TET2: variants seen among roughly 807,000 people sequenced by gnomAD.
TET2 encodes tet methylcytosine dioxygenase 2, also known as methylcytosine dioxygenase TET2.
A neutral mutation model predicts 142.9 loss-of-function variants in TET2; 299 were observed. The ratio of observed to expected loss-of-function variants is 2.09; its 90% CI spans 1.90 to 2.30. The LOEUF is 2.30. TET2 is among the 30% of genes most tolerant of loss of function. The pLI is 0.00. For missense variants in TET2, 2,418 were observed against 2,378.0 expected, an observed-to-expected ratio of 1.02 and a Z score of -0.35; for synonymous variants, 819 against 849.0, an observed-to-expected ratio of 0.96 and a Z score of 0.61.
In TET2 at chr4:105,276,157, A is replaced by G. The variant is rs1164403378; in HGVS notation, c.5647A>G (p.Thr1883Ala). The G allele has an allele frequency of 1.3e-6, 2 of 1,551,606 alleles. No individual in the cohort carries two copies. The highest frequency in any genetic ancestry group is 1.7e-6 in the Non-Finnish European group (2 of 1,146,974). ...IECAKRELHA[T>A]TPLKNPNRNH... ...GTGTGCAAAGCGTGAGCTGCATGCC[A>G]CAACCCCTTTAAAGAATCCCAATAG... is the stretch of plus-strand genomic sequence containing the variant. Residue 1883 changes from threonine (T) to alanine (A), a missense_variant, in exon 11 of 11, where the codon ACA becomes GCA. Coordinates refer to ENST00000380013, the MANE Select transcript of TET2 (RefSeq NM_001127208.3).
At chr4:105,242,378 G>C in intron 4 of TET2, 5 of 1,080,810 alleles carry the variant, frequency 4.6e-6, no homozygotes, top group Non-Finnish European at 5.7e-6. Context: ...CATGTGGCTG[G>C]ATACTAACTA....
At chr4:105,147,617 A>T (rs1251963551) in intron 1 of TET2, 1 of 151,938 alleles carries the variant, frequency 6.6e-6, no homozygotes, top group Non-Finnish European at 1.5e-5. Context: ...AGCGGCGCTG[A>T]GTGAAAGAGG....
At chr4:105,162,121 T>G (rs1723889080) in intron 1 of TET2, among the ~76,000 whole-genome samples, 1 of 152,182 alleles carries the variant, frequency 6.6e-6, no homozygotes, top group Non-Finnish European at 1.5e-5. Flanking sequence ...TTTTATATGG[T>G]TCCTGTAGAA....
In TET2 at chr4:105,276,220, C is replaced by G; in HGVS notation, c.5710C>G (p.His1904Asp). Residue 1904 changes from histidine to aspartate, a missense_variant, in exon 11 of 11, where the codon CAT (histidine) becomes GAT (aspartate). Physicochemically the swap from His to Asp is moderately conservative, Grantham distance 81 (BLOSUM62 -1). Coordinates refer to ENST00000380013, the MANE Select transcript of TET2 (RefSeq NM_001127208.3). ...CAGGATCTCCCTCGTCTTTTACCAG[C>G]ATAAGAGCATGAATGAGCCAAAACA... The part of the protein sequence containing the change: ...PTRISLVFYQ[H>D]KSMNEPKHGL... 6.4e-7 allele frequency: 1 copy of G among 1,551,624 alleles called. No homozygotes were observed. The highest frequency in any genetic ancestry group is 8.7e-7 in the Non-Finnish European group (1 of 1,146,982).
chr4:105,236,172 CA>C lies in TET2; in HGVS notation c.2231del (p.Gln744ArgfsTer7). Reference protein sequence around the residue: ...QSSHLPQNQQQQQKLQIKNKE... With the variant: ...QSSHLPQNQQXQQKLQIKNKE... ...TTCACATCTCCCTCAAAACCAGCAA[CA>C]GCAGCAAAAATTACAAATAAAGAAT... On this transcript the variant is annotated frameshift_variant, in exon 3 of 11. Coordinates refer to ENST00000380013, the MANE Select transcript of TET2 (RefSeq NM_001127208.3). LOFTEE classifies it high-confidence loss of function. 1 of 1,614,106 alleles carries C rather than the reference CA, an allele frequency of 6.2e-7. No homozygotes were observed.
rs866214403 is a variant in TET2, at chr4:105,275,125, C to G, written c.4615C>G (p.Gln1539Glu). 1.3e-6 allele frequency: 2 copies of G among 1,550,994 alleles called. No homozygotes were observed. Among genetic ancestry groups the G allele is most frequent in the East Asian group, 2.4e-5 (1 of 40,908 alleles). ...TCTACAGAAGCAGCCACCACAGCCCCAGCAGCAGCAGAGACCCCAGCAGCA... is the reference window on the plus strand; with the variant it reads ...TCTACAGAAGCAGCCACCACAGCCCGAGCAGCAGCAGAGACCCCAGCAGCA... ...QPLQKQPPQP[Q>E]QQQRPQQQQP... The change falls in exon 11 of 11, where the codon CAG (glutamine) becomes GAG (glutamate). Residue 1539 changes from glutamine to glutamate, a missense_variant. By Grantham distance (29) the Gln-to-Glu change is conservative (BLOSUM62 2). Transcript: ENST00000380013.
At chr4:105,201,537 A>G (rs1216608970) in intron 2 of TET2, among the ~76,000 whole-genome samples, 1 of 152,128 alleles carries the variant, frequency 6.6e-6, no homozygotes, top group Admixed American at 6.6e-5. Flanking sequence ...ACAGTTCCAC[A>G]AGTGGAAGTA....
intron 4 of TET2, chr4:105,241,882 A>G (rs2110250465): frequency 1.6e-6 from 2 of 1,247,260 alleles, no homozygotes; most frequent in East Asian, 6.3e-5. Flanking sequence ...TTTACCATAA[A>G]AAGAGAGCAA....
At position 105,234,504 on chromosome 4, in the gene TET2, A is replaced by G. The variant is rs2110221709; in HGVS notation, c.562A>G (p.Lys188Glu). The change falls in exon 3 of 11, where the codon AAA becomes GAA. Residue 188 changes from lysine to glutamate, a missense_variant. Coordinates refer to ENST00000380013, the MANE Select transcript of TET2 (RefSeq NM_001127208.3). ...ELQILNEQEG[K>E]SANYHDKNIV... ...TCAGATTCTGAATGAGCAGGAGGGG[A>G]AAAGTGCTAATTACCATGACAAGAA... 1.9e-6 allele frequency: 3 copies of G among 1,614,102 alleles called. No individual in the cohort carries two copies. Among genetic ancestry groups the G allele is most frequent in the Non-Finnish European group, 2.5e-6 (3 of 1,179,998 alleles).
At chr4:105,221,876 C>T (rs865985848) in intron 2 of TET2, among the ~76,000 whole-genome samples, 2 of 150,768 alleles carry the variant, frequency 1.3e-5, no homozygotes, top group African/African-American at 4.9e-5. Context: ...CCCCCCACCC[C>T]ACAACAGTCC....
chr4:105,244,584 A>ATTT lies in TET2; in HGVS notation c.3803+807_3803+808insTTT, dbSNP rs1237638072. Among the ~76,000 whole-genome samples, 10 of 116,746 alleles carry ATTT rather than the reference A, an allele frequency of 8.6e-5. 1 individual carries two copies. Among genetic ancestry groups the ATTT allele is most frequent in the African/African-American group, 2.5e-4 (7 of 28,430 alleles). 76.6% of individuals were successfully genotyped at this position (116,746 alleles called of 152,430 possible). ...TGAATGTTCACGGTGCTACACAGAAATGTTTTTTTTTTTTTTTTTTTTTTT... is the reference window on the plus strand; with the variant it reads ...TGAATGTTCACGGTGCTACACAGAAATTTTGTTTTTTTTTTTTTTTTTTTTTTT... On this transcript the variant is annotated intron_variant, in intron 6 of 10. Transcript: ENST00000380013.
At chr4:105,219,323 T>C (rs538084755) in intron 2 of TET2, among the ~76,000 whole-genome samples, 1 of 152,236 alleles carries the variant, frequency 6.6e-6, no homozygotes, top group Non-Finnish European at 1.5e-5. Flanking sequence ...TGGTAACCAG[T>C]TGATTAAGAC....
rs1444194342 is a variant in TET2 at position 105,190,528 on chromosome 4, C to A, written c.-47+23C>A. Reference sequence around the variant, plus strand: ...CTGGTAAGACAGTGGAGACAGTTGACACTTGTTTGTCAAGTATGAATTTAT... The same window carrying A: ...CTGGTAAGACAGTGGAGACAGTTGAAACTTGTTTGTCAAGTATGAATTTAT... On this transcript the variant is annotated intron_variant, in intron 2 of 10. Coordinates refer to ENST00000380013, the MANE Select transcript of TET2 (RefSeq NM_001127208.3). 5.7e-6 allele frequency: 4 copies of A among 696,838 alleles called. No homozygotes were observed. In the East Asian group the frequency reaches 1.1e-4, roughly 19 times the overall value. The allele number at this position is 696,838 out of a possible 1,614,324, so 43.2% of individuals were successfully genotyped here.
chr4:105,204,254 CACACACACACACACATACAT>C (rs1726674926), intron 2 of TET2, among the ~76,000 whole-genome samples: 1 of 145,874 alleles, frequency 6.9e-6, no homozygotes, highest in African/African-American at 2.7e-5. Flanking sequence ...CACACACACA[CACACACACACACACATACAT>C]ACATACATTA....
At chr4:105,253,208 C>T (rs1170930871) in intron 6 of TET2, among the ~76,000 whole-genome samples, 1 of 152,106 alleles carries the variant, frequency 6.6e-6, no homozygotes, top group Non-Finnish European at 1.5e-5. Flanking sequence ...TTTAAAATTA[C>T]TTTGTCAGTA....
rs1400609376 is a variant in TET2 at position 105,234,114 on chromosome 4, A to G, written c.172A>G (p.Lys58Glu). 1.9e-6 allele frequency: 3 copies of G among 1,614,046 alleles called. No homozygotes were observed. In the African/African-American group the frequency reaches 4.0e-5, roughly 22 times the overall value. Residue 58 changes from lysine (K) to glutamate (E), a missense_variant, in exon 3 of 11, where the codon AAA (lysine) becomes GAA (glutamate). By Grantham distance (56) the Lys-to-Glu change is moderately conservative (BLOSUM62 1). Transcript: ENST00000380013. ...TGGAGACACCAAGTGGCACTCTTTCAAAAGTTATTATGGAATACCCTGTAT... is the reference window on the plus strand; with the variant it reads ...TGGAGACACCAAGTGGCACTCTTTCGAAAGTTATTATGGAATACCCTGTAT... ...VNGDTKWHSF[K>E]SYYGIPCMKG...
intron 1 of TET2, among the ~76,000 whole-genome samples, chr4:105,182,484 A>C (rs892657680): frequency 2.0e-4 from 30 of 152,244 alleles, no homozygotes; most frequent in Admixed American, 6.5e-5. Flanking sequence ...TCGTAACTTG[A>C]TGTTTACTAA....
At position 105,235,227 on chromosome 4, in the gene TET2, G is replaced by A. The variant is rs201642693; in HGVS notation, c.1285G>A (p.Gly429Arg). Residue 429 changes from glycine (G) to arginine (R), a missense_variant, in exon 3 of 11, where the codon GGA becomes AGA. Coordinates refer to ENST00000380013, the MANE Select transcript of TET2 (RefSeq NM_001127208.3). Reference protein sequence around the residue: ...PSEGKSTLNGGVLEEHHHYPN... With the variant: ...PSEGKSTLNGRVLEEHHHYPN... ...AGAAGGAAAAAGCACTCTGAATGGT[G>A]GAGTTTTAGAAGAACACCACCACTA... 5.2e-4 allele frequency: 833 copies of A among 1,614,014 alleles called. 1 individual carries two copies. The highest frequency in any genetic ancestry group is 2.6e-3 in the Middle Eastern group (16 of 6,062).
At position 105,234,672 on chromosome 4, in the gene TET2, A is replaced by G; in HGVS notation, c.730A>G (p.Lys244Glu). 2 of 1,614,144 alleles carry G rather than the reference A, an allele frequency of 1.2e-6. No individual in the cohort carries two copies. Among genetic ancestry groups the G allele is most frequent in the Non-Finnish European group, 1.7e-6 (2 of 1,180,024 alleles). The change falls in exon 3 of 11, where the codon AAA (lysine) becomes GAA (glutamate). Residue 244 changes from lysine to glutamate, a missense_variant. Coordinates refer to ENST00000380013, the MANE Select transcript of TET2 (RefSeq NM_001127208.3). ...AGATTGTGTTTCCATTGCGGTGCAG[A>G]AAACCACATCTCACATAAATGCCAT... Reference protein sequence around the residue: ...YPDCVSIAVQKTTSHINAINS... With the variant: ...YPDCVSIAVQETTSHINAINS...
Sources: allele counts gnomAD v4.1 joint callset (sites outside exome capture counted in the v4.1 genomes callset), GRCh38; gene constraint gnomAD v4.1.1; transcripts MANE v1.5; gene names NCBI Gene and HGNC (gene_info 2026-07-23, HGNC 2026-07-21).